OR6N1: variants seen among roughly 807,000 people sequenced by gnomAD.
The protein encoded by OR6N1 is olfactory receptor family 6 subfamily N member 1, also known as olfactory receptor 6N1.
For missense variants in OR6N1, 394 were observed against 371.7 expected (o/e 1.06, Z -0.49); for synonymous variants, 170 against 150.7 (o/e 1.13, Z -0.94).
At chr1:158,774,570 T>TA (rs1411914743), upstream of OR6N1, 2 of 152,210 alleles carry the variant, frequency 1.3e-5, no homozygotes, top group Non-Finnish European at 2.9e-5. Context: ...ATTATAAACA[T>TA]ACATTTATCG....
At chr1:158,825,437 T>C in the OR6N1 span, among the ~76,000 whole-genome samples, 2 of 142,644 alleles carry the variant, frequency 1.4e-5, no homozygotes, top group African/African-American at 5.2e-5. Context: ...AGATTCCATC[T>C]CAAAAAAAAA....
intron 1 of OR6N1, among the ~76,000 whole-genome samples, chr1:158,769,646 A>G (rs1306489039): frequency 6.6e-6 from 1 of 152,104 alleles, no homozygotes; most frequent in Non-Finnish European, 1.5e-5. Context: ...CAGGATCCTG[A>G]AATTCATCCA....
At chr1:158,838,819 C>T in the OR6N1 span, among the ~76,000 whole-genome samples, 1 of 152,108 alleles carries the variant, frequency 6.6e-6, no homozygotes, top group East Asian at 1.9e-4. Context: ...CATGACCTGT[C>T]TAAAAGCTAA....
chr1:158,801,096 A>G, the OR6N1 span, among the ~76,000 whole-genome samples: 5 of 152,068 alleles, frequency 3.3e-5, no homozygotes, highest in Admixed American at 6.6e-5. Context: ...CATCATCACA[A>G]AAGTACATAG....
the OR6N1 span, among the ~76,000 whole-genome samples, chr1:158,806,985 A>G: frequency 6.9e-6 from 1 of 145,416 alleles, no homozygotes; most frequent in Non-Finnish European, 1.5e-5. Context: ...CCTGGGGGAC[A>G]AGAGCAAGAC....
chr1:158,796,919 C>T, the OR6N1 span, among the ~76,000 whole-genome samples: 214 of 150,222 alleles, frequency 1.4e-3, 2 homozygotes, highest in African/African-American at 5.1e-3. Flanking sequence ...CTTTTCAGCA[C>T]TAAGTGGCAA....
the OR6N1 span, among the ~76,000 whole-genome samples, chr1:158,786,359 G>T: frequency 6.6e-6 from 1 of 152,234 alleles, no homozygotes; most frequent in East Asian, 1.9e-4. Flanking sequence ...AAGTTAGCAG[G>T]GATGTGGCGA....
chr1:158,836,018 C>A, the OR6N1 span, among the ~76,000 whole-genome samples: 2 of 151,536 alleles, frequency 1.3e-5, no homozygotes, highest in Non-Finnish European at 3.0e-5. Context: ...AGTCTTTTAC[C>A]ATTAAGAGTG....
upstream of OR6N1, chr1:158,776,700 A>G: frequency 6.2e-7 from 1 of 1,604,808 alleles, no homozygotes; most frequent in Non-Finnish European, 8.5e-7. Flanking sequence ...GAGCAAGACT[A>G]GCTTTATCTC....
At chr1:158,777,153 G>T, upstream of OR6N1, 1 of 1,614,120 alleles carries the variant, frequency 6.2e-7, no homozygotes, top group Non-Finnish European at 8.5e-7. Flanking sequence ...GGGAGGCAAG[G>T]ATGACCTCAG....
At chr1:158,793,621 T>C in the OR6N1 span, among the ~76,000 whole-genome samples, 3 of 152,214 alleles carry the variant, frequency 2.0e-5, no homozygotes, top group South Asian at 6.2e-4. Context: ...GCTGGGTGTG[T>C]AAGCAGGTTC....
At chr1:158,826,157 A>C in the OR6N1 span, among the ~76,000 whole-genome samples, 2 of 152,074 alleles carry the variant, frequency 1.3e-5, no homozygotes, top group Non-Finnish European at 2.9e-5. Flanking sequence ...AAAAAAAAAA[A>C]ACCTATTACA....
the OR6N1 span, among the ~76,000 whole-genome samples, chr1:158,825,722 C>T: frequency 2.6e-5 from 4 of 152,138 alleles, no homozygotes; most frequent in Non-Finnish European, 5.9e-5. Flanking sequence ...TGTGACAATT[C>T]CTCCAAGAAC....
chr1:158,818,954 C>G, the OR6N1 span, among the ~76,000 whole-genome samples: 30 of 152,238 alleles, frequency 2.0e-4, 1 homozygote, highest in African/African-American at 6.7e-4. Context: ...TCCTAAGCAA[C>G]TCAGGGGAAT....
chr1:158,769,981 C>T (rs1248052290), intron 1 of OR6N1, among the ~76,000 whole-genome samples: 4 of 152,262 alleles, frequency 2.6e-5, no homozygotes, highest in Middle Eastern at 3.4e-3. Context: ...TCTACTTCTT[C>T]TCAGACCCTT....
the OR6N1 span, among the ~76,000 whole-genome samples, chr1:158,822,745 G>A: frequency 2.6e-5 from 4 of 152,268 alleles, no homozygotes; most frequent in South Asian, 2.1e-4. Flanking sequence ...CTAGGACTAC[G>A]TCAAATAGGA....
the OR6N1 span, among the ~76,000 whole-genome samples, chr1:158,820,652 T>C: frequency 0.011 from 1,649 of 152,288 alleles, 24 homozygotes; most frequent in African/African-American, 0.037. Flanking sequence ...AACAAAGGGC[T>C]AAAATCCCAA....
chr1:158,833,058 G>T, the OR6N1 span, among the ~76,000 whole-genome samples: 1 of 151,854 alleles, frequency 6.6e-6, no homozygotes, highest in African/African-American at 2.4e-5. Flanking sequence ...CACATCTTCT[G>T]GTCCCCCAAA....
the OR6N1 span, among the ~76,000 whole-genome samples, chr1:158,797,177 T>C: frequency 6.6e-6 from 1 of 152,238 alleles, no homozygotes; most frequent in Non-Finnish European, 1.5e-5. Flanking sequence ...CCCCTTTGTC[T>C]CTGTCATTCT....
Sources: gnomAD v4.1 joint callset for allele counts (sites outside exome capture counted in the v4.1 genomes callset) on GRCh38, gnomAD v4.1.1 for gene constraint, MANE v1.5 for transcripts, NCBI Gene and HGNC (gene_info 2026-07-23, HGNC 2026-07-21) for gene names.